The following DLG2 variants were observed in gnomAD, a reference collection of about 807,000 sequenced individuals.
DLG2 encodes discs large MAGUK scaffold protein 2.
Under a neutral mutation model 132.5 loss-of-function variants are expected in DLG2, and 45 were observed. The ratio of observed to expected loss-of-function variants is 0.34; its 90% CI spans 0.27 to 0.44. The LOEUF is 0.44. DLG2 is among the 20% of genes least tolerant of loss of function. The probability of loss-of-function intolerance (pLI) is 1.00; values close to 1 mark genes in which losing one functional copy is unlikely to be tolerated. For missense variants in DLG2, 1,045 were observed against 1,196.9 expected (o/e 0.87, Z 1.87); for synonymous variants, 424 against 419.6 (o/e 1.01, Z -0.13).
chr11:84,128,193 G>T (rs2094264395), intron 9 of DLG2, among the ~76,000 whole-genome samples: 1 of 152,114 alleles, frequency 6.6e-6, no homozygotes, highest in Non-Finnish European at 1.5e-5. Flanking sequence ...TAGGAAGAAG[G>T]TGTGAGATGT....
At chr11:84,472,762 C>T (rs1004886279) in intron 7 of DLG2, among the ~76,000 whole-genome samples, 80 of 151,792 alleles carry the variant, frequency 5.3e-4, no homozygotes, top group Non-Finnish European at 5.7e-4. Context: ...GAGAATATGA[C>T]CATACCAGCA....
Position 84,758,879 on chromosome 11 carries a change from GTTTA to G in DLG2, c.358-224152_358-224149del, listed in dbSNP as rs940748518. The stretch of plus-strand genomic sequence containing the variant: ...ATTAATTAATTTATTAATTCTTTCT[GTTTA>G]TTTATTTATTTTGAGACAGAGTTTC... On this transcript the variant is annotated intron_variant, in intron 6 of 27. Coordinates refer to ENST00000376104, the MANE Select transcript of DLG2 (RefSeq NM_001142699.3). Among the ~76,000 whole-genome samples the G allele has an allele frequency of 2.0e-5, 3 of 152,094 alleles. No homozygotes were observed. The South Asian group carries it at 6.2e-4, about 32-fold the overall frequency.
At chr11:84,138,075 T>C (rs77667811) in intron 9 of DLG2, among the ~76,000 whole-genome samples, 2,840 of 152,288 alleles carry the variant, frequency 0.019, 72 homozygotes, top group African/African-American at 0.063. Context: ...AGTGGTTCTT[T>C]GTGAAATTTT....
chr11:84,913,625 C>T (rs2092269389), intron 6 of DLG2, among the ~76,000 whole-genome samples: 1 of 152,080 alleles, frequency 6.6e-6, no homozygotes, highest in Non-Finnish European at 1.5e-5. Context: ...ACAAATAATA[C>T]ATCTTAATCC....
chr11:84,940,620 T>C (rs2049296671), intron 6 of DLG2, among the ~76,000 whole-genome samples: 1 of 152,244 alleles, frequency 6.6e-6, no homozygotes, highest in South Asian at 2.1e-4. Context: ...GTATATATTC[T>C]GTCTCTTAAT....
At chr11:84,617,415 T>C (rs2099606456) in intron 6 of DLG2, among the ~76,000 whole-genome samples, 1 of 152,140 alleles carries the variant, frequency 6.6e-6, no homozygotes, top group Non-Finnish European at 1.5e-5. Context: ...TCCAAGTCTT[T>C]GCTATTATAA....
At chr11:85,382,267 A>C (rs763129459) in intron 3 of DLG2, among the ~76,000 whole-genome samples, 1 of 152,166 alleles carries the variant, frequency 6.6e-6, no homozygotes, top group Non-Finnish European at 1.5e-5. Flanking sequence ...ATTCAGTGTG[A>C]AAGAATAATC....
chr11:83,634,666 G>A (rs1471917122), intron 18 of DLG2, among the ~76,000 whole-genome samples: 1 of 152,040 alleles, frequency 6.6e-6, no homozygotes, highest in African/African-American at 2.4e-5. Context: ...CTTACAGAGT[G>A]TTTCAAATTC....
chr11:83,713,425 T>C (rs1034383904), intron 18 of DLG2, among the ~76,000 whole-genome samples: 3 of 152,144 alleles, frequency 2.0e-5, no homozygotes, highest in Non-Finnish European at 2.9e-5. Context: ...ACTTGGAGAA[T>C]GGCAAGACAA....
intron 3 of DLG2, chr11:85,285,967 T>TA (rs370848971): frequency 0.01 from 3,124 of 309,998 alleles, 42 homozygotes; most frequent in African/African-American, 0.051. Context: ...GTAGGCAAAT[T>TA]AAAAAAAAAA....
Position 84,586,278 on chromosome 11 carries a change from G to A in DLG2, c.358-51547C>T, listed in dbSNP as rs1031923230. Among the ~76,000 whole-genome samples, 11 of 152,028 alleles carry A rather than the reference G, an allele frequency of 7.2e-5. No individual in the cohort carries two copies. In the East Asian group the frequency reaches 2.1e-3, roughly 29 times the overall value. ...TATTAAATATGCATAAATTTACAAT[G>A]TATATTTATGAAATAAGCATGTTAT... On this transcript the variant is annotated intron_variant, in intron 6 of 27. Coordinates refer to ENST00000376104, the MANE Select transcript of DLG2 (RefSeq NM_001142699.3).
In DLG2 at chr11:84,985,505, A is replaced by C. The variant is rs116137731; in HGVS notation, c.357+126156T>G. The stretch of plus-strand genomic sequence containing the variant: ...TGCTAAGAGGAAAATTCATAGCCCT[A>C]AACGACTACATCAAAAAGTCTGAAA... On this transcript the variant is annotated intron_variant, in intron 6 of 27. Coordinates refer to ENST00000376104, the MANE Select transcript of DLG2 (RefSeq NM_001142699.3). Among the ~76,000 whole-genome samples, 1,119 of 152,246 alleles carry C rather than the reference A, an allele frequency of 7.3e-3. 11 individuals are homozygous for C. The highest frequency in any genetic ancestry group is 0.026 in the African/African-American group (1,064 of 41,526).
chr11:85,023,022 C>T (rs1012003195), intron 6 of DLG2, among the ~76,000 whole-genome samples: 1 of 151,978 alleles, frequency 6.6e-6, no homozygotes, highest in African/African-American at 2.4e-5. Context: ...TAAACAAATA[C>T]ATAGGCATCA....
chr11:85,423,877 C>T (rs1474191872), intron 3 of DLG2, among the ~76,000 whole-genome samples: 2 of 152,162 alleles, frequency 1.3e-5, no homozygotes, highest in Non-Finnish European at 2.9e-5. Context: ...GCAAATATGG[C>T]TTCCCTTCTT....
chr11:84,436,310 T>A (rs2099000680), intron 7 of DLG2, among the ~76,000 whole-genome samples: 1 of 152,178 alleles, frequency 6.6e-6, no homozygotes, highest in African/African-American at 2.4e-5. Context: ...GCTAAAAAAA[T>A]TCGTATCTTG....
At position 85,453,562 on chromosome 11, in the gene DLG2, C is replaced by T. The variant is rs185927076; in HGVS notation, c.40+145095G>A. 4.7e-3 allele frequency: 736 copies of T among 155,016 alleles called. 3 individuals carry two copies. Among genetic ancestry groups the T allele is most frequent in the African/African-American group, 0.016 (668 of 41,530 alleles). The allele number at this position is 155,016 out of a possible 1,614,324, so 9.6% of individuals were successfully genotyped here. On this transcript the variant is annotated intron_variant, in intron 3 of 27. Coordinates refer to ENST00000376104, the MANE Select transcript of DLG2 (RefSeq NM_001142699.3). ...CATAGAAAATACACCCCATTATCAT[C>T]GTTTTGCCAAGATGAGGCTCAATGG... is the stretch of plus-strand genomic sequence containing the variant.
At chr11:84,696,370 G>C (rs558867673) in intron 6 of DLG2, among the ~76,000 whole-genome samples, 4 of 151,590 alleles carry the variant, frequency 2.6e-5, no homozygotes, top group East Asian at 3.9e-4. Context: ...TTGGGGCTTA[G>C]AGAAGTTGGG....
At chr11:83,486,158 TA>T (rs2093486724) in intron 21 of DLG2, 4 of 604,630 alleles carry the variant, frequency 6.6e-6, no homozygotes, top group African/African-American at 5.7e-5. Flanking sequence ...TTTTCCTAGT[TA>T]AAAATGATAG....
chr11:84,276,455 A>C (rs1179911892), intron 7 of DLG2, among the ~76,000 whole-genome samples: 1 of 152,176 alleles, frequency 6.6e-6, no homozygotes, highest in Non-Finnish European at 1.5e-5. Flanking sequence ...AGTTTAACAA[A>C]CATTTATTGA....
Sources: allele counts gnomAD v4.1 joint callset (sites outside exome capture counted in the v4.1 genomes callset), GRCh38; gene constraint gnomAD v4.1.1; transcripts MANE v1.5; gene names NCBI Gene and HGNC (gene_info 2026-07-23, HGNC 2026-07-21).